Variants in FYB1 observed in about 807,000 individuals in gnomAD.
The protein encoded by FYB1 is FYN binding protein 1.
A neutral mutation model predicts 94.1 loss-of-function variants in FYB1; 41 were observed. The observed-to-expected ratio is 0.44, with a 90% CI of 0.34 to 0.57. The LOEUF (loss-of-function observed/expected upper bound fraction) is 0.57, where lower values mean the gene tolerates loss of function less well. Among genes scored for constraint, FYB1 ranks in the 20% least tolerant of loss-of-function variants. The pLI is 0.02. For synonymous variants in FYB1, 367 were observed against 353.2 expected (o/e 1.04, Z -0.44); for missense variants, 1,050 against 976.8 (o/e 1.07, Z -1.00).
At chr5:39,153,830 G>A (rs560179602) in intron 2 of FYB1, among the ~76,000 whole-genome samples, 3 of 152,258 alleles carry the variant, frequency 2.0e-5, no homozygotes, top group East Asian at 3.9e-4. Context: ...CTGGGGTGCA[G>A]TGGCTCCATC....
chr5:39,153,404 G>A (rs769142997), intron 3 of FYB1, 44 bp downstream of exon 3: 14 of 1,601,384 alleles, frequency 8.7e-6, no homozygotes, highest in East Asian at 4.5e-5. Flanking sequence ...GAAAATCTAC[G>A]GCAAGAGACT....
At chr5:39,115,859 A>T (rs934716833) in intron 16 of FYB1, among the ~76,000 whole-genome samples, 19 of 152,212 alleles carry the variant, frequency 1.2e-4, no homozygotes, top group African/African-American at 3.9e-4. Context: ...CCTCTCCCTT[A>T]CACCCGCATC....
intron 12 of FYB1, among the ~76,000 whole-genome samples, chr5:39,124,528 G>T (rs2150292984): frequency 6.6e-6 from 1 of 152,150 alleles, no homozygotes; most frequent in Admixed American, 6.6e-5. Flanking sequence ...ATACTCAATT[G>T]GTTTATTTTG....
At chr5:39,209,491 A>G (rs1440283212) in intron 1 of FYB1, among the ~76,000 whole-genome samples, 1 of 151,832 alleles carries the variant, frequency 6.6e-6, no homozygotes, top group African/African-American at 2.4e-5. Flanking sequence ...ACGCCTGGCT[A>G]ATTTTTGTAT....
At chr5:39,186,342 T>C (rs543608173) in intron 2 of FYB1, among the ~76,000 whole-genome samples, 1 of 152,272 alleles carries the variant, frequency 6.6e-6, no homozygotes, top group East Asian at 1.9e-4. Context: ...GAGAATCACT[T>C]GAACCTGGGA....
At chr5:39,134,156 T>C in intron 9 of FYB1, 52 bp downstream of exon 9, 22 of 1,409,928 alleles carry the variant, frequency 1.6e-5, no homozygotes, top group Non-Finnish European at 2.0e-5. Context: ...ATATACAAAA[T>C]TTCTGACAAG....
chr5:39,201,798 C>G (rs1748335717), intron 2 of FYB1, 28 bp downstream of exon 2: 2 of 1,585,166 alleles, frequency 1.3e-6, no homozygotes, highest in South Asian at 1.1e-5. Flanking sequence ...GTAAACCATA[C>G]TGAATAGCAA....
chr5:39,196,331 C>T (rs1444484621), intron 2 of FYB1, among the ~76,000 whole-genome samples: 1 of 151,414 alleles, frequency 6.6e-6, no homozygotes, highest in Non-Finnish European at 1.5e-5. Flanking sequence ...GCCCCAGCCT[C>T]CTGAGTAGCT....
chr5:39,128,915 CG>C (rs1474109365), intron 10 of FYB1, among the ~76,000 whole-genome samples: 5 of 152,012 alleles, frequency 3.3e-5, no homozygotes, highest in Admixed American at 6.6e-5. Context: ...AAGCAATTTA[CG>C]AATTTAATGT....
At chr5:39,260,360 A>G (rs1161949416) in intron 1 of FYB1, among the ~76,000 whole-genome samples, 3 of 152,338 alleles carry the variant, frequency 2.0e-5, no homozygotes, top group Non-Finnish European at 4.4e-5. Context: ...TTGTTACAAC[A>G]GTAGAGTTCA....
At chr5:39,268,598 C>A (rs1752536226) in intron 1 of FYB1, among the ~76,000 whole-genome samples, 1 of 151,636 alleles carries the variant, frequency 6.6e-6, no homozygotes, top group African/African-American at 2.4e-5. Flanking sequence ...CGGAATTTTG[C>A]TCTTGTTGCC....
chr5:39,176,421 A>G (rs183680251), intron 2 of FYB1, among the ~76,000 whole-genome samples: 77 of 152,166 alleles, frequency 5.1e-4, no homozygotes, highest in Non-Finnish European at 5.3e-4. Flanking sequence ...AAGTGCTGAG[A>G]TTACAGGCAT....
At chr5:39,254,504 A>G (rs1365328246) in intron 1 of FYB1, among the ~76,000 whole-genome samples, 1 of 152,242 alleles carries the variant, frequency 6.6e-6, no homozygotes, top group Non-Finnish European at 1.5e-5. Flanking sequence ...TTTTACAATT[A>G]CAATCTCAGT....
At chr5:39,153,140 G>T (rs1743399076) in intron 3 of FYB1, among the ~76,000 whole-genome samples, 1 of 152,192 alleles carries the variant, frequency 6.6e-6, no homozygotes, top group African/African-American at 2.4e-5. Flanking sequence ...GATAGTGGAG[G>T]AGTTGGTGGT....
intron 1 of FYB1, among the ~76,000 whole-genome samples, chr5:39,266,225 T>TTC (rs1272672269): frequency 6.6e-6 from 1 of 152,192 alleles, no homozygotes; most frequent in Non-Finnish European, 1.5e-5. Context: ...CTACTGCCTC[T>TTC]TCTCCCACTT....
chr5:39,269,561 C>T (rs777249119), intron 1 of FYB1: 1 of 152,504 alleles, frequency 6.6e-6, no homozygotes. Flanking sequence ...CCTCTCTCCC[C>T]CATGGGAAGA....
At chr5:39,244,181 G>T (rs1199333334) in intron 1 of FYB1, among the ~76,000 whole-genome samples, 1 of 152,032 alleles carries the variant, frequency 6.6e-6, no homozygotes, top group Non-Finnish European at 1.5e-5. Context: ...ACACTATGTT[G>T]AATAGGACTG....
At position 39,236,863 on chromosome 5, in the gene FYB1, GC is replaced by G. The variant is rs138810889; in HGVS notation, c.-27-33877del. Reference sequence around the variant, plus strand: ...TGTCATCTATCAAACAGAGATATTAGCTAATGTAAGGTTGCTATGAAGACTG... The same window carrying G: ...TGTCATCTATCAAACAGAGATATTAGTAATGTAAGGTTGCTATGAAGACTG... On this transcript the variant is annotated intron_variant, in intron 1 of 1. Transcript: ENST00000510188. 8.2e-3 allele frequency among the ~76,000 whole-genome samples: 1,247 copies of G among 152,186 alleles called. 23 individuals carry two copies. The highest frequency in any genetic ancestry group is 0.029 in the African/African-American group (1,185 of 41,530).
At chr5:39,109,717 G>C (rs1738878929) in intron 17 of FYB1, among the ~76,000 whole-genome samples, 1 of 152,076 alleles carries the variant, frequency 6.6e-6, no homozygotes, top group Non-Finnish European at 1.5e-5. Context: ...TGATAATGGA[G>C]TTCGTTTCTT....
Sources: allele counts gnomAD v4.1 joint callset (sites outside exome capture counted in the v4.1 genomes callset), GRCh38; gene constraint gnomAD v4.1.1; transcripts MANE v1.5; gene names NCBI Gene and HGNC (gene_info 2026-07-23, HGNC 2026-07-21).